LNX1: variants seen among roughly 807,000 people sequenced by gnomAD.
LNX1 encodes E3 ubiquitin-protein ligase LNX.
A neutral mutation model predicts 68.4 loss-of-function variants in LNX1; 54 were observed. That is an observed-to-expected ratio of 0.79 (90% confidence interval 0.63 to 0.99). LNX1 has a LOEUF of 0.99. Ranked by LOEUF, LNX1 falls within the 50% of genes least tolerant of loss-of-function variation. LNX1 has a pLI of 0.00. For synonymous variants in LNX1, 336 were observed against 350.0 expected, an observed-to-expected ratio of 0.96 and a Z score of 0.45; for missense variants, 906 against 926.4, an observed-to-expected ratio of 0.98 and a Z score of 0.29.
At position 53,476,914 on chromosome 4, in the gene LNX1, T is replaced by C. The variant is rs1385116383; in HGVS notation, c.1731A>G (p.Leu577=). 6.2e-7 allele frequency: 1 copy of C among 1,614,088 alleles called. No individual in the cohort carries two copies. The highest frequency in any genetic ancestry group is 1.3e-5 in the African/African-American group (1 of 74,932). Reference sequence around the variant, plus strand: ...CTATCGAGGATGATGTTCTTTTCAATAATGCCACTGCCTCACTCCGGCTGA... The same window carrying C: ...CTATCGAGGATGATGTTCTTTTCAACAATGCCACTGCCTCACTCCGGCTGA... ...TEVSRSEAVA[L]LKRTSSSIVL... The change falls in exon 9 of 11, where the codon TTA becomes TTG. Residue 577 remains leucine (L), a synonymous_variant. Coordinates refer to ENST00000263925, the MANE Select transcript of LNX1 (RefSeq NM_001126328.3).
intron 1 of LNX1, among the ~76,000 whole-genome samples, chr4:53,632,782 G>C (rs189809553): frequency 8.5e-5 from 13 of 152,298 alleles, no homozygotes; most frequent in African/African-American, 3.1e-4. Context: ...GGCCTCTATG[G>C]ACAACAGACA....
In LNX1 at chr4:53,491,192, C is replaced by T. The variant is rs146403411; in HGVS notation, c.1350+4831G>A. On this transcript the variant is annotated intron_variant, in intron 6 of 10. Coordinates refer to ENST00000263925, the MANE Select transcript of LNX1 (RefSeq NM_001126328.3). ...CATTATCTCCAGGATGTGAGTTGCA[C>T]CGATTGACCTGCAGAGGGAGTTAAC... Among the ~76,000 whole-genome samples the T allele has an allele frequency of 3.4e-4, 51 of 151,984 alleles. No individual in the cohort carries two copies. In the East Asian group the frequency reaches 9.9e-3, roughly 29 times the overall value.
At chr4:53,638,865 G>A (rs565084795) in intron 1 of LNX1, among the ~76,000 whole-genome samples, 1 of 152,136 alleles carries the variant, frequency 6.6e-6, no homozygotes, top group African/African-American at 2.4e-5. Flanking sequence ...AGAGAAAAGG[G>A]GACACTTATA....
At chr4:53,538,203 T>C (rs4864467) in intron 2 of LNX1, among the ~76,000 whole-genome samples, 121,356 of 152,166 alleles carry the variant, frequency 0.8, 48,835 homozygotes, top group Admixed American at 0.86. Flanking sequence ...GATGGGCATG[T>C]GGATTGCTCC....
intron 4 of LNX1, chr4:53,500,466 G>C (rs2109485909): frequency 6.6e-6 from 1 of 152,262 alleles, no homozygotes; most frequent in South Asian, 2.1e-4. Flanking sequence ...ATGGCATCTG[G>C]AAAGATCTCA....
At chr4:53,481,445 C>T (rs1227506524) in intron 7 of LNX1, among the ~76,000 whole-genome samples, 1 of 152,130 alleles carries the variant, frequency 6.6e-6, no homozygotes, top group African/African-American at 2.4e-5. Context: ...AAAAACATGC[C>T]ATTTATTTGG....
chr4:53,555,971 G>A (rs1404054736), intron 2 of LNX1, among the ~76,000 whole-genome samples: 1 of 152,168 alleles, frequency 6.6e-6, no homozygotes. Flanking sequence ...TCAATAGCAG[G>A]AATCTTTGTG....
chr4:53,495,735 G>A (rs1316550425), intron 6 of LNX1, among the ~76,000 whole-genome samples: 3 of 152,068 alleles, frequency 2.0e-5, no homozygotes, highest in African/African-American at 7.2e-5. Context: ...GTAGAGATGG[G>A]GTTTCACCCT....
chr4:53,569,549 C>T (rs1261948914), intron 2 of LNX1, among the ~76,000 whole-genome samples: 1 of 141,796 alleles, frequency 7.1e-6, no homozygotes, highest in Non-Finnish European at 1.5e-5. Flanking sequence ...AGACCTAAAA[C>T]CATAAAAACC....
rs59260730 is a variant in LNX1, at chr4:53,506,856, TA to T, written c.775+460del. On this transcript the variant is annotated intron_variant, in intron 4 of 10. Transcript: ENST00000263925. ...CCTGGGCGACAAGCAAAACTCTGTCTAAAAAAAAAAAAAAAAAAAGAGGAAT... is the reference window on the plus strand; with the variant it reads ...CCTGGGCGACAAGCAAAACTCTGTCTAAAAAAAAAAAAAAAAAAGAGGAAT... Among the ~76,000 whole-genome samples, 93 of 54,210 alleles carry T rather than the reference TA, an allele frequency of 1.7e-3. 1 individual carries two copies. Among genetic ancestry groups the T allele is most frequent in the East Asian group, 0.015 (36 of 2,378 alleles). The allele number at this position is 54,210 out of a possible 152,430, so 35.6% of individuals were successfully genotyped here. A position where few individuals can be genotyped will look rare whatever the true frequency, so the allele number is the denominator to read the frequency against.
chr4:53,461,049 A>C lies in LNX1; in HGVS notation c.2052-7T>G, dbSNP rs1226613317. ...AAGAAGAATATCACCACATCTAAAA[A>C]AAAAAACAAAACAAGATATGATTAG... is the stretch of plus-strand genomic sequence containing the variant. On this transcript the variant is annotated splice_polypyrimidine_tract_variant and splice_region_variant and intron_variant, in intron 10 of 10. Coordinates refer to ENST00000263925, the MANE Select transcript of LNX1 (RefSeq NM_001126328.3). The C allele has an allele frequency of 1.3e-6, 2 of 1,550,774 alleles. No homozygotes were observed. The highest frequency in any genetic ancestry group is 4.6e-5 in the East Asian group (2 of 43,604).
At chr4:53,606,015 T>C (rs1208895670) in intron 2 of LNX1, among the ~76,000 whole-genome samples, 1 of 152,130 alleles carries the variant, frequency 6.6e-6, no homozygotes, top group African/African-American at 2.4e-5. Flanking sequence ...TTATCATTCC[T>C]TGTCTTTATC....
At chr4:53,541,986 G>A (rs1436703889) in intron 2 of LNX1, among the ~76,000 whole-genome samples, 2 of 152,158 alleles carry the variant, frequency 1.3e-5, no homozygotes, top group East Asian at 1.9e-4. Context: ...ACATGGCCCT[G>A]GGGAATAGAA....
At chr4:53,486,246 G>A (rs1724282059) in intron 6 of LNX1, among the ~76,000 whole-genome samples, 1 of 151,872 alleles carries the variant, frequency 6.6e-6, no homozygotes, top group Non-Finnish European at 1.5e-5. Flanking sequence ...TCCTGGCAGA[G>A]CACCATATTG....
intron 2 of LNX1, among the ~76,000 whole-genome samples, chr4:53,522,409 C>T (rs367628853): frequency 1.8e-4 from 28 of 152,346 alleles, no homozygotes; most frequent in Admixed American, 5.2e-4. Flanking sequence ...CTTGGTGCTC[C>T]TATGACTCTA....
intron 2 of LNX1, chr4:53,539,218 G>T (rs1352590900): frequency 6.6e-6 from 1 of 152,238 alleles, no homozygotes; most frequent in Admixed American, 6.5e-5. Flanking sequence ...AGCCATAAGG[G>T]CCCCCTGCCA....
intron 2 of LNX1, among the ~76,000 whole-genome samples, chr4:53,572,299 G>C (rs1327054077): frequency 6.6e-6 from 1 of 152,218 alleles, no homozygotes; most frequent in African/African-American, 2.4e-5. Context: ...TGGGGAATGA[G>C]GGAGGTAGGG....
Position 53,473,736 on chromosome 4 carries a change from G to T in LNX1, c.1892+3017C>A, listed in dbSNP as rs139078390. Among the ~76,000 whole-genome samples the T allele has an allele frequency of 2.6e-5, 4 of 152,190 alleles. No individual in the cohort carries two copies. In the East Asian group the frequency reaches 7.7e-4, roughly 29 times the overall value. On this transcript the variant is annotated intron_variant, in intron 9 of 10. Coordinates refer to ENST00000263925, the MANE Select transcript of LNX1 (RefSeq NM_001126328.3). The stretch of plus-strand genomic sequence containing the variant: ...TAGTACCTGGGTACTGAACTCATCT[G>T]TACAACAAACCCCTGTGACATGAGT...
chr4:53,499,566 C>T (rs1201898160), intron 4 of LNX1, among the ~76,000 whole-genome samples: 2 of 152,306 alleles, frequency 1.3e-5, no homozygotes, highest in Admixed American at 6.5e-5. Context: ...AGGCCTTCAG[C>T]TGAAGTTTAC....
Sources: allele counts gnomAD v4.1 joint callset (sites outside exome capture counted in the v4.1 genomes callset), GRCh38; gene constraint gnomAD v4.1.1; transcripts MANE v1.5; gene names NCBI Gene and HGNC (gene_info 2026-07-23, HGNC 2026-07-21).